The following TPH2 variants were observed in gnomAD, a reference collection of about 807,000 sequenced individuals.
TPH2 encodes tryptophan hydroxylase 2.
In TPH2, 27 loss-of-function variants were observed where a neutral mutation model predicts 59.1. The observed-to-expected ratio is 0.46, with a 90% confidence interval of 0.34 to 0.63. The LOEUF (loss-of-function observed/expected upper bound fraction) is 0.63, where lower values mean the gene tolerates loss of function less well. Ranked by LOEUF, TPH2 falls within the 30% of genes least tolerant of loss-of-function variation. TPH2 has a pLI of 0.01. For missense variants in TPH2, 523 were observed against 588.3 expected, an observed-to-expected ratio of 0.89 and a Z score of 1.15; for synonymous variants, 220 against 210.5, an observed-to-expected ratio of 1.05 and a Z score of -0.39.
intron 7 of TPH2, among the ~76,000 whole-genome samples, chr12:71,988,000 C>A (rs1872487605): frequency 6.6e-6 from 1 of 152,152 alleles, no homozygotes; most frequent in Non-Finnish European, 1.5e-5. Flanking sequence ...ACATTTGGTT[C>A]TTCAGTAGCA....
chr12:71,982,551 C>A (rs1872314348), intron 7 of TPH2, among the ~76,000 whole-genome samples: 1 of 152,190 alleles, frequency 6.6e-6, no homozygotes, highest in Non-Finnish European at 1.5e-5. Context: ...CCCTTCTCAG[C>A]CACATAATTT....
At chr12:71,986,918 T>C (rs577446244) in intron 7 of TPH2, among the ~76,000 whole-genome samples, 1 of 152,308 alleles carries the variant, frequency 6.6e-6, no homozygotes, top group Non-Finnish European at 1.5e-5. Context: ...AATGATTGAA[T>C]TTTATGCAAG....
chr12:71,981,281 T>G (rs1464155492), intron 7 of TPH2, among the ~76,000 whole-genome samples: 1 of 152,168 alleles, frequency 6.6e-6, no homozygotes, highest in Non-Finnish European at 1.5e-5. Context: ...AGGGGTGAAA[T>G]GTATCTTCAG....
intron 8 of TPH2, among the ~76,000 whole-genome samples, chr12:72,015,315 G>GTTTTTTTTTTTTTTTTT (rs869231666): frequency 2.0e-5 from 2 of 98,974 alleles, no homozygotes; most frequent in African/African-American, 3.9e-5. Flanking sequence ...TTTTTTGGTT[G>GTTTTTTTTTTTTTTTTT]TTTTTTTTTT....
intron 5 of TPH2, among the ~76,000 whole-genome samples, chr12:71,956,007 A>G (rs1446621117): frequency 2.0e-5 from 3 of 152,226 alleles, no homozygotes; most frequent in Admixed American, 6.5e-5. Flanking sequence ...TCTCTCATAA[A>G]GCAAACTGTT....
intron 6 of TPH2, among the ~76,000 whole-genome samples, chr12:71,977,400 A>G (rs1872151060): frequency 1.3e-5 from 2 of 152,134 alleles, no homozygotes; most frequent in African/African-American, 4.8e-5. Flanking sequence ...AGTTAATAAT[A>G]TCATATTACA....
intron 7 of TPH2, among the ~76,000 whole-genome samples, chr12:71,979,737 C>A (rs1392542638): frequency 2.0e-5 from 3 of 152,170 alleles, no homozygotes; most frequent in Admixed American, 6.5e-5. Context: ...GGGTAAGAAG[C>A]AGGAGTAAGC....
chr12:72,031,178 A>G (rs545460119), intron 9 of TPH2, 80 bp from the exon 10 acceptor site: 8 of 1,579,280 alleles, frequency 5.1e-6, no homozygotes, highest in Admixed American at 3.3e-5. Context: ...GAGCTATCAA[A>G]TGTGTTGTAA....
intron 8 of TPH2, among the ~76,000 whole-genome samples, chr12:72,002,958 T>C (rs1872864392): frequency 6.6e-6 from 1 of 152,208 alleles, no homozygotes; most frequent in Admixed American, 6.5e-5. Flanking sequence ...TGTAATGAAA[T>C]GTACAGTCAG....
At position 72,022,295 on chromosome 12, in the gene TPH2, A is replaced by G. The variant is rs1431785424; in HGVS notation, c.1069-104A>G. ...ATTTAAATGTATTTAAATTGATAAT[A>G]TTGAAGAAATTATGCACAGCCCACC... is the stretch of plus-strand genomic sequence containing the variant. On this transcript the variant is annotated intron_variant, in intron 8 of 10. Coordinates refer to ENST00000333850, the MANE Select transcript of TPH2 (RefSeq NM_173353.4). 3 of 760,238 alleles carry G rather than the reference A, an allele frequency of 3.9e-6. No individual in the cohort carries two copies. In the African/African-American group the frequency reaches 5.1e-5, roughly 13 times the overall value. The allele number at this position is 760,238 out of a possible 1,614,324, so 47.1% of individuals were successfully genotyped here.
intron 4 of TPH2, among the ~76,000 whole-genome samples, chr12:71,946,168 C>T (rs1871192270): frequency 6.6e-6 from 1 of 152,122 alleles, no homozygotes. Flanking sequence ...TGTTACTGAC[C>T]TCAAAGGGGT....
chr12:72,031,601 C>T lies in TPH2; in HGVS notation c.1379C>T (p.Thr460Ile). ...YTQSIEILKDTRSIENVVQDL... is the reference protein window; with the variant it reads ...YTQSIEILKDIRSIENVVQDL... ...CAGAGTATTGAAATTCTGAAAGACA[C>T]CAGAAGTATTGAAAATGTGGTGCAG... The change falls in exon 11 of 11, where the codon ACC becomes ATC. Residue 460 changes from threonine to isoleucine, a missense_variant. Transcript: ENST00000333850. 1 of 1,613,580 alleles carries T rather than the reference C, an allele frequency of 6.2e-7. No individual in the cohort carries two copies. The highest frequency in any genetic ancestry group is 8.5e-7 in the Non-Finnish European group (1 of 1,179,616).
At chr12:71,993,108 A>G (rs1026753219) in intron 7 of TPH2, among the ~76,000 whole-genome samples, 4 of 152,198 alleles carry the variant, frequency 2.6e-5, no homozygotes, top group Non-Finnish European at 5.9e-5. Flanking sequence ...CCTTCTCTCT[A>G]TGAAGTAACT....
At chr12:71,963,116 T>C (rs12228469) in intron 5 of TPH2, among the ~76,000 whole-genome samples, 11,292 of 52,546 alleles carry the variant, frequency 0.21, 5,039 homozygotes, top group East Asian at 0.69. Context: ...TATATCCTAA[T>C]AGGGAGACAC....
At chr12:71,940,531 T>C (rs1592856213) in intron 1 of TPH2, among the ~76,000 whole-genome samples, 1 of 152,298 alleles carries the variant, frequency 6.6e-6, no homozygotes, top group East Asian at 1.9e-4. Context: ...ATTGGTACGA[T>C]TGTATTAAAT....
chr12:71,992,177 G>A (rs967443447), intron 7 of TPH2, among the ~76,000 whole-genome samples: 9 of 152,098 alleles, frequency 5.9e-5, no homozygotes, highest in Non-Finnish European at 8.8e-5. Flanking sequence ...CTCTTCCTAC[G>A]GCCTAAGCTA....
chr12:71,940,344 C>T (rs1871022513), intron 1 of TPH2, among the ~76,000 whole-genome samples: 2 of 152,078 alleles, frequency 1.3e-5, no homozygotes, highest in Admixed American at 1.3e-4. Flanking sequence ...CTTCTTCCCT[C>T]CCTCAAGTCA....
intron 8 of TPH2, among the ~76,000 whole-genome samples, chr12:72,000,685 G>T (rs1293986320): frequency 3.9e-5 from 6 of 152,122 alleles, no homozygotes; most frequent in Non-Finnish European, 7.4e-5. Context: ...ACAACTGGAT[G>T]AACAGGATAT....
chr12:71,981,749 G>T (rs571180325), intron 7 of TPH2, among the ~76,000 whole-genome samples: 18 of 152,004 alleles, frequency 1.2e-4, no homozygotes, highest in African/African-American at 3.9e-4. Context: ...GGGAAGAGGA[G>T]GATTTGGGTT....
Sources: allele counts gnomAD v4.1 joint callset (sites outside exome capture counted in the v4.1 genomes callset), GRCh38; gene constraint gnomAD v4.1.1; transcripts MANE v1.5; gene names NCBI Gene and HGNC (gene_info 2026-07-23, HGNC 2026-07-21).